NT5C1A: variants seen among roughly 807,000 people sequenced by gnomAD.
NT5C1A encodes 5'-nucleotidase, cytosolic IA, also known as cytosolic 5'-nucleotidase 1A.
A neutral mutation model predicts 31.0 loss-of-function variants in NT5C1A; 18 were observed. The observed-to-expected ratio is 0.58, with a 90% CI of 0.40 to 0.86. NT5C1A has a LOEUF of 0.86. Among genes scored for constraint, NT5C1A ranks in the 40% least tolerant of loss-of-function variants. NT5C1A has a pLI of 0.00. For missense variants in NT5C1A, 470 were observed against 505.4 expected, an observed-to-expected ratio of 0.93 and a Z score of 0.67; for synonymous variants, 185 against 203.6, an observed-to-expected ratio of 0.91 and a Z score of 0.78.
At chr1:39,666,730 C>A (rs1437939484) in intron 1 of NT5C1A, among the ~76,000 whole-genome samples, 1 of 152,204 alleles carries the variant, frequency 6.6e-6, no homozygotes, top group African/African-American at 2.4e-5. Context: ...AGTTGACTAA[C>A]AGCCTCTCAA....
chr1:39,661,069 T>A lies in NT5C1A; in HGVS notation c.741+10A>T, dbSNP rs959192952. ...GTTCCTCTCAGGGGTTCTGGGTCTA[T>A]GGGGAGCACCTGAGCCAGAGGTTTG... On this transcript the variant is annotated intron_variant, in intron 5 of 5. Transcript: ENST00000235628. The A allele has an allele frequency of 6.5e-7, 1 of 1,549,080 alleles. No homozygotes were observed. Among genetic ancestry groups the A allele is most frequent in the Non-Finnish European group, 8.9e-7 (1 of 1,125,640 alleles).
Position 39,652,386 on chromosome 1 carries a change from T to C in NT5C1A, c.*6735A>G, listed in dbSNP as rs1182799688. ...ACTATCCGGCAACCTCAGGCCACAT[T>C]CCCATGTGGCAGCAACCATGGCAGA... On this transcript the variant is annotated 3_prime_UTR_variant, in exon 6 of 6. Coordinates refer to ENST00000235628, the MANE Select transcript of NT5C1A (RefSeq NM_032526.3). Among the ~76,000 whole-genome samples the C allele has an allele frequency of 1.3e-5, 2 of 152,230 alleles. No individual in the cohort carries two copies. Among genetic ancestry groups the C allele is most frequent in the Non-Finnish European group, 2.9e-5 (2 of 68,040 alleles).
intron 1 of NT5C1A, among the ~76,000 whole-genome samples, chr1:39,666,457 C>T (rs1464108992): frequency 6.6e-6 from 1 of 152,182 alleles, no homozygotes; most frequent in African/African-American, 2.4e-5. Flanking sequence ...GCTGGAAGCA[C>T]AATCTGATGG....
intron 1 of NT5C1A, among the ~76,000 whole-genome samples, chr1:39,671,069 A>C (rs570819413): frequency 1.3e-5 from 2 of 152,268 alleles, no homozygotes; most frequent in African/African-American, 4.8e-5. Flanking sequence ...CTTTAAGATC[A>C]AGCTGGAGCT....
intron 4 of NT5C1A, among the ~76,000 whole-genome samples, chr1:39,661,853 C>T (rs535062173): frequency 4.6e-5 from 7 of 152,286 alleles, no homozygotes; most frequent in East Asian, 3.9e-4. Context: ...AGGCTGCAAT[C>T]GGGTGAGGTG....
chr1:39,664,906 C>T (rs1424371971), intron 3 of NT5C1A, among the ~76,000 whole-genome samples: 1 of 151,920 alleles, frequency 6.6e-6, no homozygotes, highest in African/African-American at 2.4e-5. Flanking sequence ...TTCATGTGGC[C>T]TGAAGAAAAG....
Position 39,653,535 on chromosome 1 carries a change from C to T in NT5C1A, c.*5586G>A, listed in dbSNP as rs114330893. Among the ~76,000 whole-genome samples, 4,030 of 152,242 alleles carry T rather than the reference C, an allele frequency of 0.026. 67 individuals carry two copies. The highest frequency in any genetic ancestry group is 0.04 in the Non-Finnish European group (2,717 of 68,006). ...TAATTGCCGGCAAGAGCAATCGGCT[C>T]GTCACTCGGGCATATTTAGCAAACA... On this transcript the variant is annotated 3_prime_UTR_variant, in exon 6 of 6. Transcript: ENST00000235628.
chr1:39,671,468 G>T (rs1646551342), intron 1 of NT5C1A, among the ~76,000 whole-genome samples: 2 of 152,244 alleles, frequency 1.3e-5, no homozygotes, highest in African/African-American at 4.8e-5. Flanking sequence ...CCCAAACGCA[G>T]AGTCTCAGGT....
rs371418073 is a variant in NT5C1A, at chr1:39,665,639, G to A, written c.315C>T (p.Ala105=). The change falls in exon 3 of 6, where the codon GCC becomes GCT. Residue 105 remains alanine (A), a synonymous_variant. Transcript: ENST00000235628. ...ACAGCTCCCGCAGCCGCCTGTTCAC[G>A]GCCTCCAGAGCCTGGAAAGGAGAGG... ...PAFPFVKALE[A]VNRRLRELYP... 5.6e-6 allele frequency: 9 copies of A among 1,613,160 alleles called. No homozygotes were observed. Among genetic ancestry groups the A allele is most frequent in the Middle Eastern group, 1.7e-4 (1 of 6,024 alleles).
chr1:39,666,313 G>T, intron 1 of NT5C1A, 77 bp from the exon 2 acceptor site: 1 of 1,431,224 alleles, frequency 7.0e-7, no homozygotes, highest in Non-Finnish European at 9.7e-7. Context: ...AGTCTCCCTG[G>T]GTAGTGAGGA....
At position 39,666,245 on chromosome 1, in the gene NT5C1A, G is replaced by A; in HGVS notation, c.136-9C>T. ...GCATTCTGAGGCTTGGGCTGCAGAG[G>A]TATGGGAGAAGGGGTTGTCACTCAG... On this transcript the variant is annotated splice_polypyrimidine_tract_variant and intron_variant, in intron 1 of 5. Coordinates refer to ENST00000235628, the MANE Select transcript of NT5C1A (RefSeq NM_032526.3). The A allele has an allele frequency of 6.2e-7, 1 of 1,613,046 alleles. No individual in the cohort carries two copies. Among genetic ancestry groups the A allele is most frequent in the Non-Finnish European group, 8.5e-7 (1 of 1,179,724 alleles).
At chr1:39,665,960 T>C in intron 2 of NT5C1A, 109 bp downstream of exon 2, 1 of 1,038,130 alleles carries the variant, frequency 9.6e-7, no homozygotes, top group Middle Eastern at 2.8e-4. Flanking sequence ...CCTGTGTGGT[T>C]ACATCTGCCC....
chr1:39,665,480 G>T, intron 3 of NT5C1A, 41 bp downstream of exon 3: 2 of 1,572,980 alleles, frequency 1.3e-6, no homozygotes, highest in Non-Finnish European at 1.7e-6. Flanking sequence ...TCTGGTAGGG[G>T]TGTCCCAGGG....
At chr1:39,664,486 T>TTCTCCTG (rs1553485407) in intron 3 of NT5C1A, among the ~76,000 whole-genome samples, 2 of 1,500 alleles carry the variant, frequency 1.3e-3, no homozygotes, top group East Asian at 0.019. Context: ...CAGAGTGGAT[T>TTCTCCTG]TCTCCTCCTC....
chr1:39,668,581 T>C (rs1304211724), intron 1 of NT5C1A, among the ~76,000 whole-genome samples: 2 of 152,146 alleles, frequency 1.3e-5, no homozygotes, highest in Non-Finnish European at 2.9e-5. Context: ...CAAGATGACA[T>C]CTCAAGTCTC....
Position 39,664,126 on chromosome 1 carries a change from A to G in NT5C1A, c.434-692T>C, listed in dbSNP as rs934648505. On this transcript the variant is annotated intron_variant, in intron 3 of 5. Transcript: ENST00000235628. ...GCTAAAAACCAGGCCTGGTAAACCTATAAATATAGGTGTATTCTTTTTCTT... is the reference window on the plus strand; with the variant it reads ...GCTAAAAACCAGGCCTGGTAAACCTGTAAATATAGGTGTATTCTTTTTCTT... Among the ~76,000 whole-genome samples, 48 of 152,042 alleles carry G rather than the reference A, an allele frequency of 3.2e-4. 1 individual carries two copies. The highest frequency in any genetic ancestry group is 6.5e-4 in the Non-Finnish European group (44 of 67,990).
chr1:39,671,394 C>T (rs1367870966), intron 1 of NT5C1A, among the ~76,000 whole-genome samples: 2 of 152,160 alleles, frequency 1.3e-5, no homozygotes, highest in Non-Finnish European at 2.9e-5. Flanking sequence ...GAGAGCAGCT[C>T]CCTTTCCTTA....
chr1:39,659,501 G>C lies in NT5C1A; in HGVS notation c.742-15C>G. On this transcript the variant is annotated splice_polypyrimidine_tract_variant and intron_variant, in intron 5 of 5. Coordinates refer to ENST00000235628, the MANE Select transcript of NT5C1A (RefSeq NM_032526.3). ...TTTAAGGGGCCCTATGAGAAGGCAA[G>C]GGGAACATTGTTAGCTCTACCACCT... 1 of 1,540,388 alleles carries C rather than the reference G, an allele frequency of 6.5e-7. No individual in the cohort carries two copies. Among genetic ancestry groups the C allele is most frequent in the East Asian group, 2.3e-5 (1 of 44,126 alleles).
In NT5C1A at chr1:39,665,603, A is replaced by C; in HGVS notation, c.351T>G (p.Ser117Arg). 6.2e-7 allele frequency: 1 copy of C among 1,613,376 alleles called. No homozygotes were observed. Among genetic ancestry groups the C allele is most frequent in the Non-Finnish European group, 8.5e-7 (1 of 1,179,936 alleles). ...NRRLRELYPD[S>R]EDVFDIVLMT... The stretch of plus-strand genomic sequence containing the variant: ...TGAGGACGATGTCGAAGACGTCCTC[A>C]CTATCAGGGTACAGCTCCCGCAGCC... Residue 117 changes from serine to arginine, a missense_variant, in exon 3 of 6, where the codon AGT becomes AGG. Coordinates refer to ENST00000235628, the MANE Select transcript of NT5C1A (RefSeq NM_032526.3).
Sources: gnomAD v4.1 joint callset for allele counts (sites outside exome capture counted in the v4.1 genomes callset) on GRCh38, gnomAD v4.1.1 for gene constraint, MANE v1.5 for transcripts, NCBI Gene and HGNC (gene_info 2026-07-23, HGNC 2026-07-21) for gene names.